Variants in PTCRA observed in about 807,000 individuals in gnomAD.
PTCRA encodes pre T cell antigen receptor alpha, also known as pre T-cell antigen receptor alpha.
Under a neutral mutation model 13.4 loss-of-function variants are expected in PTCRA, and 9 were observed. That is an observed-to-expected ratio of 0.67 (90% CI 0.41 to 1.18). PTCRA has a LOEUF of 1.18. Ranked by LOEUF, PTCRA falls within the 50% of genes most tolerant of loss-of-function variation. PTCRA has a pLI of 0.01. For synonymous variants in PTCRA, 153 were observed against 161.9 expected (o/e 0.94, Z 0.42); for missense variants, 353 against 359.8 (o/e 0.98, Z 0.15).
At chr6:42,918,005 C>T (rs565931203) in intron 1 of PTCRA, among the ~76,000 whole-genome samples, 20 of 152,108 alleles carry the variant, frequency 1.3e-4, no homozygotes, top group South Asian at 6.2e-4. Context: ...CCTGTAATTC[C>T]AGCACTTTGG....
chr6:42,919,727 GA>G (rs1367486223), intron 1 of PTCRA, among the ~76,000 whole-genome samples: 1 of 1,204 alleles, frequency 8.3e-4, no homozygotes, highest in African/African-American at 3.5e-3. Flanking sequence ...AAAAAAAAAA[GA>G]AAAAAAATTA....
In PTCRA at chr6:42,920,816, T is replaced by G. The variant is rs566995859; in HGVS notation, c.59-2211T>G. ...TGGACTATATCTAAACAAAGCTTTTTTTTTTTTTTTTCACTCTGTCACCCA... is the reference window on the plus strand; with the variant it reads ...TGGACTATATCTAAACAAAGCTTTTGTTTTTTTTTTTCACTCTGTCACCCA... On this transcript the variant is annotated intron_variant, in intron 1 of 3. Transcript: ENST00000304672. 2.0e-5 allele frequency among the ~76,000 whole-genome samples: 3 copies of G among 148,634 alleles called. No individual in the cohort carries two copies. In the South Asian group the frequency reaches 6.4e-4, roughly 32 times the overall value.
At chr6:42,922,162 A>G in intron 1 of PTCRA, 1 of 689,618 alleles carries the variant, frequency 1.5e-6, no homozygotes, top group East Asian at 2.7e-5. Flanking sequence ...CAGACTTTTA[A>G]AAAAAGAAAC....
At chr6:42,917,615 T>G (rs1766942294) in intron 1 of PTCRA, among the ~76,000 whole-genome samples, 1 of 149,668 alleles carries the variant, frequency 6.7e-6, no homozygotes, top group African/African-American at 2.5e-5. Flanking sequence ...AATGGCACAA[T>G]CTCAACTCAC....
In PTCRA at chr6:42,923,486, T is replaced by C. The variant is rs942573510; in HGVS notation, c.379+139T>C. On this transcript the variant is annotated intron_variant, in intron 2 of 3. Coordinates refer to ENST00000304672, the MANE Select transcript of PTCRA (RefSeq NM_138296.3). ...CAGAGCCTCTGGGTGAGGTGACACC[T>C]GGGCTCAGGGGAGAGTGGCCTCAGG... is the stretch of plus-strand genomic sequence containing the variant. The C allele has an allele frequency of 7.5e-6, 6 of 801,948 alleles. No individual in the cohort carries two copies. The East Asian group carries it at 1.3e-4, about 18-fold the overall frequency. 49.7% of individuals were successfully genotyped at this position (801,948 alleles called of 1,614,324 possible).
At chr6:42,920,569 C>T (rs1243143305) in intron 1 of PTCRA, among the ~76,000 whole-genome samples, 1 of 150,828 alleles carries the variant, frequency 6.6e-6, no homozygotes, top group East Asian at 2.0e-4. Context: ...GGACTACAGG[C>T]GGCTGCCACC....
At chr6:42,916,493 G>A (rs1766883599) in intron 1 of PTCRA, among the ~76,000 whole-genome samples, 2 of 152,340 alleles carry the variant, frequency 1.3e-5, no homozygotes, top group Non-Finnish European at 2.9e-5. Flanking sequence ...TGTGTGTGAT[G>A]TGATATGCAA....
At chr6:42,921,457 C>T (rs1197508667) in intron 1 of PTCRA, among the ~76,000 whole-genome samples, 1 of 124,380 alleles carries the variant, frequency 8.0e-6, no homozygotes. Context: ...CTTGCTCTGT[C>T]GCCAGGCTGG....
chr6:42,917,305 C>T (rs1278427708), intron 1 of PTCRA, among the ~76,000 whole-genome samples: 2 of 148,724 alleles, frequency 1.3e-5, no homozygotes, highest in Non-Finnish European at 3.0e-5. Context: ...TCACTACAAC[C>T]TCCACCTCCC....
intron 3 of PTCRA, 42 bp downstream of exon 3, chr6:42,924,315 C>A: frequency 6.3e-7 from 1 of 1,593,828 alleles, no homozygotes; most frequent in Non-Finnish European, 8.6e-7. Flanking sequence ...GAGGCTGGGA[C>A]CAGGACCTTG....
At chr6:42,917,523 G>A (rs573124228) in intron 1 of PTCRA, among the ~76,000 whole-genome samples, 8 of 121,308 alleles carry the variant, frequency 6.6e-5, no homozygotes, top group Non-Finnish European at 1.4e-4. Flanking sequence ...CACCCAGCCC[G>A]TTATATTATT....
At position 42,925,802 on chromosome 6, in the gene PTCRA, T is replaced by C; in HGVS notation, c.*120T>C. 1.8e-6 allele frequency: 1 copy of C among 562,128 alleles called. No homozygotes were observed. Among genetic ancestry groups the C allele is most frequent in the Non-Finnish European group, 3.0e-6 (1 of 331,652 alleles). 34.8% of individuals were successfully genotyped at this position (562,128 alleles called of 1,614,324 possible). The stretch of plus-strand genomic sequence containing the variant: ...CAGGGGCATTTAGGGAGCAGATGAC[T>C]GAGAACATTAAAAAAGAACTTAAAT... On this transcript the variant is annotated 3_prime_UTR_variant, in exon 4 of 4. Coordinates refer to ENST00000304672, the MANE Select transcript of PTCRA (RefSeq NM_138296.3). The surrounding 1 kb of genome is among the most constrained non-coding windows in gnomAD (Gnocchi z 4.4).
At chr6:42,924,936 C>A (rs1488274412) in intron 3 of PTCRA, among the ~76,000 whole-genome samples, 10 of 151,306 alleles carry the variant, frequency 6.6e-5, no homozygotes, top group South Asian at 2.1e-4. Context: ...GTGCCACTGC[C>A]CTCCAGCCTG....
In PTCRA at chr6:42,923,366, C is replaced by T. The variant is rs979796559; in HGVS notation, c.379+19C>T. Reference sequence around the variant, plus strand: ...CTGTCAGGTGGGGATGGAGCCTGGGCCCTTGCGGATGCTCCCTGTCCCCTT... The same window carrying T: ...CTGTCAGGTGGGGATGGAGCCTGGGTCCTTGCGGATGCTCCCTGTCCCCTT... On this transcript the variant is annotated intron_variant, in intron 2 of 3. Transcript: ENST00000304672. 1.9e-6 allele frequency: 3 copies of T among 1,609,650 alleles called. No homozygotes were observed. Among genetic ancestry groups the T allele is most frequent in the Non-Finnish European group, 2.5e-6 (3 of 1,176,620 alleles).
At chr6:42,917,229 T>A (rs912297676) in intron 1 of PTCRA, among the ~76,000 whole-genome samples, 6 of 137,320 alleles carry the variant, frequency 4.4e-5, no homozygotes, top group African/African-American at 1.7e-4. Context: ...ATTATTATTA[T>A]TATTTATTTT....
At chr6:42,923,371 G>A (rs367711078) in intron 2 of PTCRA, 24 bp downstream of exon 2, 2 of 1,607,020 alleles carry the variant, frequency 1.2e-6, no homozygotes, top group East Asian at 2.2e-5. Context: ...CTGGGCCCTT[G>A]CGGATGCTCC....
In PTCRA at chr6:42,925,068, T is replaced by A; in HGVS notation, c.425-193T>A. The A allele has an allele frequency of 1.4e-6, 1 of 723,854 alleles. No individual in the cohort carries two copies. The highest frequency in any genetic ancestry group is 1.8e-5 in the African/African-American group (1 of 55,730). 44.8% of individuals were successfully genotyped at this position (723,854 alleles called of 1,614,324 possible). A position where few individuals can be genotyped will look rare whatever the true frequency, so the allele number is the denominator to read the frequency against. On this transcript the variant is annotated intron_variant, in intron 3 of 3. Coordinates refer to ENST00000304672, the MANE Select transcript of PTCRA (RefSeq NM_138296.3). This position sits in a 1 kb window ranked among gnomAD's most constrained non-coding sequence, Gnocchi z 4.4. ...CCCTACCCCCATGATTGTTGGGGAA[T>A]AAAATAAAATGAAGGCCAGGAAGGT...
At chr6:42,919,152 C>T (rs966032585) in intron 1 of PTCRA, among the ~76,000 whole-genome samples, 3 of 150,798 alleles carry the variant, frequency 2.0e-5, no homozygotes, top group African/African-American at 7.3e-5. Context: ...CGTGCCACCA[C>T]GCCCGGCTAA....
chr6:42,922,372 A>G, intron 1 of PTCRA: 1 of 640,038 alleles, frequency 1.6e-6, no homozygotes, highest in Non-Finnish European at 2.8e-6. Flanking sequence ...TGGAACAGAA[A>G]GGGGCTCGGA....
Sources: gnomAD v4.1 joint callset for allele counts (sites outside exome capture counted in the v4.1 genomes callset) on GRCh38, gnomAD v4.1.1 for gene constraint, Gnocchi (gnomAD v3.1) non-coding constraint, MANE v1.5 for transcripts, NCBI Gene and HGNC (gene_info 2026-07-23, HGNC 2026-07-21) for gene names.